The following AGBL1 variants were observed in gnomAD, a reference collection of about 807,000 sequenced individuals.
AGBL1 encodes the protein cytosolic carboxypeptidase 4.
In AGBL1, 130 loss-of-function variants were observed where a neutral mutation model predicts 118.9. That is an observed-to-expected ratio of 1.09 (90% CI 0.95 to 1.26). AGBL1 has a LOEUF of 1.26. Ranked by LOEUF, AGBL1 falls within the 50% of genes most tolerant of loss-of-function variation. AGBL1 has a pLI of 0.00. For synonymous variants in AGBL1, 555 were observed against 478.9 expected (o/e 1.16, Z -2.08); for missense variants, 1,584 against 1,298.1 (o/e 1.22, Z -3.38).
At chr15:86,441,533 T>C (rs995651095) in intron 18 of AGBL1, among the ~76,000 whole-genome samples, 2 of 152,162 alleles carry the variant, frequency 1.3e-5, no homozygotes, top group Admixed American at 6.5e-5. Flanking sequence ...GCCAATGACA[T>C]AGATATGCTT....
chr15:86,980,921 C>G (rs1325565821), intron 23 of AGBL1, among the ~76,000 whole-genome samples: 1 of 123,742 alleles, frequency 8.1e-6, no homozygotes, highest in Non-Finnish European at 1.6e-5. Flanking sequence ...GAGTCTTGCT[C>G]TGTCACCCAG....
chr15:86,295,630 C>T (rs73451566), intron 17 of AGBL1: 11,328 of 380,042 alleles, frequency 0.03, 1,020 homozygotes, highest in African/African-American at 0.2. Context: ...TCAAACTGTC[C>T]GGCAGATGAA....
intron 21 of AGBL1, among the ~76,000 whole-genome samples, chr15:86,605,855 G>A (rs1200839661): frequency 1.3e-5 from 2 of 151,992 alleles, no homozygotes; most frequent in Non-Finnish European, 2.9e-5. Flanking sequence ...AGCCAGGCAT[G>A]GTGGCTCACA....
At chr15:86,601,397 T>G (rs75594727) in intron 21 of AGBL1, among the ~76,000 whole-genome samples, 2,205 of 152,300 alleles carry the variant, frequency 0.014, 51 homozygotes, top group African/African-American at 0.049. Flanking sequence ...TTATTTTGCA[T>G]TTGTTGGAAA....
intron 23 of AGBL1, among the ~76,000 whole-genome samples, chr15:86,983,448 C>G (rs2081250530): frequency 6.6e-6 from 1 of 152,032 alleles, no homozygotes; most frequent in South Asian, 2.1e-4. Flanking sequence ...TACCTTATGA[C>G]CTGGTGATGA....
chr15:86,946,265 C>A (rs1295810878), intron 23 of AGBL1: 1 of 152,180 alleles, frequency 6.6e-6, no homozygotes, highest in Non-Finnish European at 1.5e-5. Flanking sequence ...ATGTGCTGAG[C>A]AGACTGGATC....
At position 86,112,621 on chromosome 15, in the gene AGBL1, G is replaced by T. The variant is rs75528569; in HGVS notation, c.52-29383G>T. On this transcript the variant is annotated intron_variant, in intron 1 of 22. Coordinates refer to ENST00000614907, the MANE Select transcript of AGBL1 (RefSeq NM_001386094.1). ...GGGAATAACTGCAGTAAAATTGTTG[G>T]GTCAAAGGGTCTGTACATTTTAAAG... Among the ~76,000 whole-genome samples the T allele has an allele frequency of 1.8e-3, 267 of 152,270 alleles. 12 individuals are homozygous for T. The East Asian group carries it at 0.049, about 28-fold the overall frequency.
intron 22 of AGBL1, among the ~76,000 whole-genome samples, chr15:86,820,841 A>G (rs1282768927): frequency 6.6e-6 from 1 of 152,186 alleles, no homozygotes; most frequent in African/African-American, 2.4e-5. Context: ...TAGATACCCA[A>G]AGGATTATAA....
chr15:86,592,781 G>C (rs979177130), intron 21 of AGBL1, among the ~76,000 whole-genome samples: 1 of 152,158 alleles, frequency 6.6e-6, no homozygotes, highest in Non-Finnish European at 1.5e-5. Flanking sequence ...TTGGGAAACT[G>C]CCTTTCCCTG....
intron 18 of AGBL1, among the ~76,000 whole-genome samples, chr15:86,435,174 T>G (rs2081986604): frequency 6.6e-6 from 1 of 151,706 alleles, no homozygotes; most frequent in Non-Finnish European, 1.5e-5. Flanking sequence ...CAAGTAAATC[T>G]CTACATAAGC....
At chr15:86,617,080 A>T (rs2084738692) in intron 21 of AGBL1, among the ~76,000 whole-genome samples, 1 of 152,130 alleles carries the variant, frequency 6.6e-6, no homozygotes, top group Non-Finnish European at 1.5e-5. Flanking sequence ...GTAAAAATCT[A>T]TTCCTCAAGT....
At chr15:86,113,368 A>T (rs1391642412) in intron 1 of AGBL1, among the ~76,000 whole-genome samples, 1 of 145,670 alleles carries the variant, frequency 6.9e-6, no homozygotes, top group Non-Finnish European at 1.5e-5. Flanking sequence ...GCTCACTGCA[A>T]CCTCTGCCTC....
At chr15:86,474,747 G>A (rs559587655) in intron 18 of AGBL1, among the ~76,000 whole-genome samples, 3 of 152,176 alleles carry the variant, frequency 2.0e-5, no homozygotes, top group South Asian at 2.1e-4. Context: ...CAGCATGGAG[G>A]TTGAGACCTG....
rs772825413 is a variant in AGBL1, at chr15:86,262,911, G to C, written c.1086+17G>C. On this transcript the variant is annotated intron_variant, in intron 10 of 22. Coordinates refer to ENST00000614907, the MANE Select transcript of AGBL1 (RefSeq NM_001386094.1). ...AGCTTTGAGGTAGGACATATGCTGT[G>C]GTTCTGATCTTTGACGATGCATGAT... The C allele has an allele frequency of 6.7e-5, 105 of 1,565,844 alleles. No individual in the cohort carries two copies. Among genetic ancestry groups the C allele is most frequent in the Middle Eastern group, 6.6e-4 (4 of 6,020 alleles).
intron 22 of AGBL1, among the ~76,000 whole-genome samples, chr15:86,817,666 C>G (rs556791528): frequency 3.3e-5 from 5 of 150,416 alleles, no homozygotes; most frequent in South Asian, 2.1e-4. Context: ...CACACACACA[C>G]AGAAAGAGAC....
intron 1 of AGBL1, chr15:86,116,594 G>A (rs62012434): frequency 0.03 from 4,502 of 152,410 alleles, 93 homozygotes; most frequent in Middle Eastern, 0.058. Flanking sequence ...CTCTTCTTGA[G>A]CTGGGACATT....
chr15:86,137,988 C>T (rs1423471460), intron 1 of AGBL1, among the ~76,000 whole-genome samples: 2 of 152,134 alleles, frequency 1.3e-5, no homozygotes, highest in South Asian at 4.2e-4. Flanking sequence ...GAAGACAATG[C>T]TTGTTCTCAG....
intron 22 of AGBL1, among the ~76,000 whole-genome samples, chr15:86,902,472 C>G (rs1329269522): frequency 6.6e-6 from 1 of 152,040 alleles, no homozygotes; most frequent in East Asian, 1.9e-4. Flanking sequence ...AAAGAAAAAT[C>G]TATGTATTTG....
intron 20 of AGBL1, among the ~76,000 whole-genome samples, chr15:86,551,823 T>C (rs1235140858): frequency 1.3e-5 from 2 of 152,070 alleles, no homozygotes; most frequent in Non-Finnish European, 2.9e-5. Context: ...GAATGAGCTA[T>C]CAAGCCATGA....
Sources: gnomAD v4.1 joint callset for allele counts (sites outside exome capture counted in the v4.1 genomes callset) on GRCh38, gnomAD v4.1.1 for gene constraint, MANE v1.5 for transcripts, NCBI Gene and HGNC (gene_info 2026-07-23, HGNC 2026-07-21) for gene names.